Variants in ABCC6 observed in about 807,000 individuals in gnomAD.
ABCC6 encodes the protein ATP-binding cassette sub-family C member 6.
Under a neutral mutation model 169.5 loss-of-function variants are expected in ABCC6, and 126 were observed. The ratio of observed to expected loss-of-function variants is 0.74; its 90% CI spans 0.64 to 0.86. The LOEUF is 0.86. Ranked by LOEUF, ABCC6 falls within the 40% of genes least tolerant of loss-of-function variation. ABCC6 has a pLI of 0.00. For synonymous variants in ABCC6, 752 were observed against 814.7 expected (o/e 0.92, Z 1.31); for missense variants, 1,733 against 1,927.2 (o/e 0.90, Z 1.89).
chr16:16,193,005 G>C, intron 10 of ABCC6, 83 bp from the exon 11 acceptor site: 1 of 1,166,078 alleles, frequency 8.6e-7, no homozygotes, highest in South Asian at 1.3e-5. Context: ...ACTCCATCTT[G>C]AATAGGGACT....
intron 10 of ABCC6, among the ~76,000 whole-genome samples, chr16:16,195,803 A>C (rs2048018931): frequency 6.6e-6 from 1 of 152,238 alleles, no homozygotes; most frequent in Non-Finnish European, 1.5e-5. Context: ...CTGGAATACA[A>C]GGTGAAGACA....
intron 4 of ABCC6, among the ~76,000 whole-genome samples, chr16:16,215,559 C>T (rs577141777): frequency 2.0e-5 from 3 of 151,236 alleles, no homozygotes; most frequent in East Asian, 1.9e-4. Context: ...CTGCACCCTC[C>T]GCCTCCTGGG....
intron 7 of ABCC6, among the ~76,000 whole-genome samples, chr16:16,204,715 G>A (rs1166346496): frequency 6.6e-6 from 1 of 152,202 alleles, no homozygotes; most frequent in African/African-American, 2.4e-5. Flanking sequence ...TTGCTGTGTG[G>A]TCCTGGGCGG....
intron 24 of ABCC6, among the ~76,000 whole-genome samples, chr16:16,162,504 T>C (rs935954665): frequency 1.3e-5 from 2 of 152,222 alleles, no homozygotes; most frequent in African/African-American, 4.8e-5. Context: ...GCAGTAAGCA[T>C]GTTACAGGTC....
At chr16:16,193,609 G>A (rs2047938287) in intron 10 of ABCC6, among the ~76,000 whole-genome samples, 9 of 152,174 alleles carry the variant, frequency 5.9e-5, no homozygotes, top group Admixed American at 5.9e-4. Context: ...AGCTACTCGA[G>A]AGGCTGAGGC....
At chr16:16,180,620 G>A (rs2047436458) in intron 17 of ABCC6, among the ~76,000 whole-genome samples, 1 of 152,094 alleles carries the variant, frequency 6.6e-6, no homozygotes, top group Non-Finnish European at 1.5e-5. Flanking sequence ...AGCCTCCCAA[G>A]TAGCTGGGAT....
At position 16,182,940 on chromosome 16, in the gene ABCC6, C is replaced by T. The variant is rs775808219; in HGVS notation, c.1944-10G>A. 1.9e-6 allele frequency: 3 copies of T among 1,613,970 alleles called. No individual in the cohort carries two copies. In the African/African-American group the frequency reaches 4.0e-5, roughly 22 times the overall value. On this transcript the variant is annotated splice_polypyrimidine_tract_variant and intron_variant, in intron 15 of 30. Transcript: ENST00000205557. ...CACCGTGAGGTTTATTCTGGACACG[C>T]AAGAGGGGAGACATGACCTTGGTTA...
intron 26 of ABCC6, among the ~76,000 whole-genome samples, chr16:16,158,535 A>G (rs1455373764): frequency 6.6e-6 from 1 of 151,792 alleles, no homozygotes; most frequent in African/African-American, 2.4e-5. Flanking sequence ...CATTTCTTCT[A>G]CCCTATTCAT....
chr16:16,200,974 T>G (rs1350527474), intron 9 of ABCC6, among the ~76,000 whole-genome samples: 4 of 152,120 alleles, frequency 2.6e-5, no homozygotes, highest in Admixed American at 6.5e-5. Context: ...GTTTTGTTTT[T>G]TTTTTGTTCT....
rs372045804 is a variant in ABCC6 at position 16,190,300 on chromosome 16, G to A, written c.1499C>T (p.Thr500Ile). ...TCCCTCCCAGCCATGGAACTTGATG[G>A]TCTTCGAGTTCCTGAGGATAGAGCT... ...LTSSILRNSK[T>I]IKFHGWEGAF... The change falls in exon 12 of 31, where the codon ACC becomes ATC. Residue 500 changes from threonine to isoleucine, a missense_variant. Physicochemically the swap from Thr to Ile is moderately conservative, Grantham distance 89. Transcript: ENST00000205557. The A allele has an allele frequency of 6.2e-7, 1 of 1,614,156 alleles. No homozygotes were observed. The highest frequency in any genetic ancestry group is 8.5e-7 in the Non-Finnish European group (1 of 1,180,024).
Position 16,182,625 on chromosome 16 carries a change from G to A in ABCC6, c.2071-37C>T, listed in dbSNP as rs745638036. On this transcript the variant is annotated intron_variant, in intron 16 of 30. Transcript: ENST00000205557. ...CTTACTTTGGTCACAGGAGGATGAT[G>A]GGGACAGAGGTGGGATAGGTTTTGA... The A allele has an allele frequency of 4.4e-6, 7 of 1,606,688 alleles. No homozygotes were observed. The Admixed American group carries it at 5.0e-5, about 12-fold the overall frequency.
At chr16:16,177,143 T>G (rs1218474924) in intron 19 of ABCC6, among the ~76,000 whole-genome samples, 1 of 152,222 alleles carries the variant, frequency 6.6e-6, no homozygotes, top group African/African-American at 2.4e-5. Context: ...GATTTAACTC[T>G]CTTTGCCTCA....
rs916781271 is a variant in ABCC6, at chr16:16,182,727, G to A, written c.2070+77C>T. 4.4e-6 allele frequency: 7 copies of A among 1,607,802 alleles called. No homozygotes were observed. The African/African-American group carries it at 5.3e-5, about 12-fold the overall frequency. On this transcript the variant is annotated intron_variant, in intron 16 of 30. Transcript: ENST00000205557. The stretch of plus-strand genomic sequence containing the variant: ...GTGAAAGTGAACTTGGCTGGGATGG[G>A]GAGGGTGGGAAGGCAGCGAGGAAGT...
In ABCC6 at chr16:16,192,710, A is replaced by G. The variant is rs570048897; in HGVS notation, c.1431+120T>C. 6 of 914,050 alleles carry G rather than the reference A, an allele frequency of 6.6e-6. No homozygotes were observed. In the East Asian group the frequency reaches 1.5e-4, roughly 23 times the overall value. The allele number at this position is 914,050 out of a possible 1,614,324, so 56.6% of individuals were successfully genotyped here. On this transcript the variant is annotated intron_variant, in intron 11 of 30. Transcript: ENST00000205557. Reference sequence around the variant, plus strand: ...CTGAGTGATGGGCAGCTCACAGACGACAAGAACAAAGCCAGACCCGTGGGC... The same window carrying G: ...CTGAGTGATGGGCAGCTCACAGACGGCAAGAACAAAGCCAGACCCGTGGGC...
chr16:16,151,920 C>T (rs554194036), intron 29 of ABCC6, among the ~76,000 whole-genome samples: 137 of 151,940 alleles, frequency 9.0e-4, no homozygotes, highest in African/African-American at 3.2e-3. Context: ...TGGCGGGGCA[C>T]GGCGGCTCAC....
rs567065977 is a variant in ABCC6 at position 16,168,656 on chromosome 16, G to A, written c.2995+990C>T. The stretch of plus-strand genomic sequence containing the variant: ...CAAAAGGGCAACACGAGAGCGCCTC[G>A]TGGTGAGGGGGTTGTTCAGTATCTC... On this transcript the variant is annotated intron_variant, in intron 22 of 30. Coordinates refer to ENST00000205557, the MANE Select transcript of ABCC6 (RefSeq NM_001171.6). Among the ~76,000 whole-genome samples the A allele has an allele frequency of 2.6e-5, 4 of 152,168 alleles. No homozygotes were observed. In the South Asian group the frequency reaches 6.2e-4, roughly 24 times the overall value.
intron 20 of ABCC6, 61 bp downstream of exon 20, chr16:16,175,850 C>G: frequency 6.3e-7 from 1 of 1,592,188 alleles, no homozygotes; most frequent in South Asian, 1.1e-5. Flanking sequence ...TGCGGGTGGT[C>G]CCTTCAGCTA....
At chr16:16,156,690 G>T (rs904389129) in intron 27 of ABCC6, among the ~76,000 whole-genome samples, 1 of 152,116 alleles carries the variant, frequency 6.6e-6, no homozygotes, top group Non-Finnish European at 1.5e-5. Context: ...GGTCATGCCT[G>T]TAGTCCCAGC....
intron 11 of ABCC6, among the ~76,000 whole-genome samples, chr16:16,190,668 T>C (rs77555547): frequency 0.018 from 2,660 of 151,278 alleles, 84 homozygotes; most frequent in African/African-American, 0.059. Flanking sequence ...TGGAGGTGGT[T>C]GATGCCTGAG....
Sources: gnomAD v4.1 joint callset for allele counts (sites outside exome capture counted in the v4.1 genomes callset) on GRCh38, gnomAD v4.1.1 for gene constraint, MANE v1.5 for transcripts, NCBI Gene and HGNC (gene_info 2026-07-23, HGNC 2026-07-21) for gene names.